The following YAP1 variants were observed in gnomAD, a reference collection of about 807,000 sequenced individuals.
YAP1 encodes the protein transcriptional coactivator YAP1.
YAP1 carries 5 observed loss-of-function variants against 56.9 expected under a neutral mutation model. That is an observed-to-expected ratio of 0.09 (90% CI 0.05 to 0.18). The LOEUF is 0.18. YAP1 is among the 10% of genes least tolerant of loss of function. YAP1 has a pLI of 1.00. For missense variants in YAP1, 539 were observed against 651.8 expected (o/e 0.83, Z 1.88); for synonymous variants, 265 against 248.1 (o/e 1.07, Z -0.64).
intron 2 of YAP1, among the ~76,000 whole-genome samples, chr11:102,130,093 T>C (rs1044706623): frequency 1.3e-5 from 2 of 151,972 alleles, no homozygotes; most frequent in African/African-American, 4.8e-5. Flanking sequence ...CTTTTAAAAC[T>C]GCATACAAGC....
chr11:102,214,551 T>G (rs969790465), intron 6 of YAP1, among the ~76,000 whole-genome samples: 9 of 152,226 alleles, frequency 5.9e-5, no homozygotes, highest in Non-Finnish European at 1.0e-4. Context: ...CAAACTGTCT[T>G]TCATGTTAGC....
At chr11:102,225,230 TC>T (rs1265129688) in intron 7 of YAP1, among the ~76,000 whole-genome samples, 1 of 151,560 alleles carries the variant, frequency 6.6e-6, no homozygotes. Context: ...ATGCCTGTAA[TC>T]CCAGCACTTT....
intron 1 of YAP1, among the ~76,000 whole-genome samples, chr11:102,113,276 A>G (rs1353366530): frequency 4.6e-5 from 7 of 152,228 alleles, no homozygotes; most frequent in African/African-American, 1.7e-4. Context: ...ATTGTTCACA[A>G]CACAAACTGG....
intron 4 of YAP1, among the ~76,000 whole-genome samples, chr11:102,204,482 G>A (rs574773170): frequency 1.3e-5 from 2 of 152,086 alleles, no homozygotes; most frequent in African/African-American, 4.8e-5. Context: ...TTAGAATCAG[G>A]CAATAAATGT....
intron 6 of YAP1, among the ~76,000 whole-genome samples, chr11:102,221,834 A>G (rs1035535992): frequency 3.9e-5 from 6 of 152,216 alleles, no homozygotes; most frequent in Admixed American, 6.5e-5. Flanking sequence ...AACAACTACA[A>G]TGTGATATGA....
intron 3 of YAP1, among the ~76,000 whole-genome samples, chr11:102,172,193 C>CAAAAAAAAA (rs138976808): frequency 7.2e-6 from 1 of 139,170 alleles, no homozygotes. Context: ...AACTTCTTCT[C>CAAAAAAAAA]AAAAAAAAAT....
intron 4 of YAP1, among the ~76,000 whole-genome samples, chr11:102,194,736 T>C (rs1591382464): frequency 1.3e-5 from 2 of 152,282 alleles, no homozygotes; most frequent in East Asian, 3.9e-4. Context: ...CAGACCAGTT[T>C]TTGTGTTTTT....
At chr11:102,163,160 C>G (rs957107937) in intron 3 of YAP1, among the ~76,000 whole-genome samples, 2 of 152,026 alleles carry the variant, frequency 1.3e-5, no homozygotes, top group African/African-American at 2.4e-5. Flanking sequence ...AGAAGATAAA[C>G]CTGAGTATAA....
At chr11:102,169,933 TA>T (rs1946812482) in intron 3 of YAP1, among the ~76,000 whole-genome samples, 1 of 152,242 alleles carries the variant, frequency 6.6e-6, no homozygotes, top group African/African-American at 2.4e-5. Flanking sequence ...TATGATGACT[TA>T]AATTTTTTCT....
At chr11:102,125,680 C>G (rs1157935827) in intron 2 of YAP1, among the ~76,000 whole-genome samples, 1 of 152,094 alleles carries the variant, frequency 6.6e-6, no homozygotes, top group Non-Finnish European at 1.5e-5. Context: ...CACGCCTGGC[C>G]TGTGTATCAT....
At chr11:102,148,314 T>C (rs1232812272) in intron 2 of YAP1, among the ~76,000 whole-genome samples, 2 of 152,150 alleles carry the variant, frequency 1.3e-5, no homozygotes, top group Non-Finnish European at 2.9e-5. Flanking sequence ...AGAAGATCAT[T>C]GGTTTGAAAG....
chr11:102,194,988 C>A (rs917145972), intron 4 of YAP1, among the ~76,000 whole-genome samples: 1 of 152,000 alleles, frequency 6.6e-6, no homozygotes, highest in African/African-American at 2.4e-5. Flanking sequence ...GAACTCCTGT[C>A]CTGAAGCAGT....
chr11:102,232,814 G>A lies in YAP1; in HGVS notation c.*2874G>A, dbSNP rs1159321350. On this transcript the variant is annotated 3_prime_UTR_variant, in exon 9 of 9. Transcript: ENST00000282441. ...CTACTTATGGTTGATGGAGCACATT[G>A]ATTTGGAGTTTCAGATCTTCCAAAG... 3 of 152,608 alleles carry A rather than the reference G, an allele frequency of 2.0e-5. No individual in the cohort carries two copies. The highest frequency in any genetic ancestry group is 7.2e-5 in the African/African-American group (3 of 41,448). 9.5% of individuals were successfully genotyped at this position (152,608 alleles called of 1,614,324 possible). A position where few individuals can be genotyped will look rare whatever the true frequency, so the allele number is the denominator to read the frequency against.
At chr11:102,147,823 C>T (rs1004659688) in intron 2 of YAP1, among the ~76,000 whole-genome samples, 2 of 152,198 alleles carry the variant, frequency 1.3e-5, no homozygotes, top group South Asian at 2.1e-4. Flanking sequence ...CTAAACATTT[C>T]GTAACCATGT....
Position 102,189,870 on chromosome 11 carries a change from T to A in YAP1, c.802+3739T>A, listed in dbSNP as rs753637623. ...TTCATCAGAGTTAAATATTTGGCAT[T>A]AATAATTAAATATCTATAAAAATTT... On this transcript the variant is annotated intron_variant, in intron 4 of 8. Coordinates refer to ENST00000282441, the MANE Select transcript of YAP1 (RefSeq NM_001130145.3). Among the ~76,000 whole-genome samples the A allele has an allele frequency of 6.3e-4, 96 of 152,340 alleles. 1 individual carries two copies. The highest frequency in any genetic ancestry group is 5.6e-4 in the Non-Finnish European group (38 of 68,044).
rs141985469 is a variant in YAP1, at chr11:102,231,210, T to A, written c.*1270T>A. ...CTTGGACTAATTTTTAAGTCTCGAT[T>A]GGAATTCAGTGAGTAGGTTCATAAT... On this transcript the variant is annotated 3_prime_UTR_variant, in exon 9 of 9. Transcript: ENST00000282441. 6.6e-6 allele frequency: 1 copy of A among 152,378 alleles called. No homozygotes were observed. The highest frequency in any genetic ancestry group is 1.5e-5 in the Non-Finnish European group (1 of 68,038). 9.4% of individuals were successfully genotyped at this position (152,378 alleles called of 1,614,324 possible). A position where few individuals can be genotyped will look rare whatever the true frequency, so the allele number is the denominator to read the frequency against.
At chr11:102,125,128 T>G (rs747504477) in intron 2 of YAP1, among the ~76,000 whole-genome samples, 1 of 150,388 alleles carries the variant, frequency 6.6e-6, no homozygotes, top group Non-Finnish European at 1.5e-5. Context: ...CCTCAACTTC[T>G]GAACCTCAGG....
rs572491869 is a variant in YAP1, at chr11:102,230,399, C to T, written c.*459C>T. 6.3e-6 allele frequency: 1 copy of T among 158,604 alleles called. No homozygotes were observed. The highest frequency in any genetic ancestry group is 1.4e-5 in the Non-Finnish European group (1 of 71,726). The allele number at this position is 158,604 out of a possible 1,614,324, so 9.8% of individuals were successfully genotyped here. A position where few individuals can be genotyped will look rare whatever the true frequency, so the allele number is the denominator to read the frequency against. The stretch of plus-strand genomic sequence containing the variant: ...AAACATGATTTACTGGTCTGACAAG[C>T]CAAAAATGTTATATCTGATATTAAA... On this transcript the variant is annotated 3_prime_UTR_variant, in exon 9 of 9. Coordinates refer to ENST00000282441, the MANE Select transcript of YAP1 (RefSeq NM_001130145.3).
chr11:102,118,932 C>G (rs898639499), intron 2 of YAP1, among the ~76,000 whole-genome samples: 2 of 151,928 alleles, frequency 1.3e-5, no homozygotes, highest in Admixed American at 1.3e-4. Flanking sequence ...AAGTATAACC[C>G]AGAGTTTCCC....
Sources: allele counts gnomAD v4.1 joint callset (sites outside exome capture counted in the v4.1 genomes callset), GRCh38; gene constraint gnomAD v4.1.1; transcripts MANE v1.5; gene names NCBI Gene and HGNC (gene_info 2026-07-23, HGNC 2026-07-21).